Variants in SPAG9 observed in about 807,000 individuals in gnomAD.
SPAG9 encodes sperm associated antigen 9.
SPAG9 carries 35 observed loss-of-function variants against 166.5 expected under a neutral mutation model. That is an observed-to-expected ratio of 0.21 (90% confidence interval 0.16 to 0.28). The LOEUF (loss-of-function observed/expected upper bound fraction) is 0.28, where lower values mean the gene tolerates loss of function less well. Ranked by LOEUF, SPAG9 falls within the 10% of genes least tolerant of loss-of-function variation. The probability of loss-of-function intolerance (pLI) is 1.00; values close to 1 mark genes in which losing one functional copy is unlikely to be tolerated. For synonymous variants in SPAG9, 534 were observed against 565.5 expected (o/e 0.94, Z 0.79); for missense variants, 1,235 against 1,603.3 (o/e 0.77, Z 3.92).
At chr17:50,987,498 C>A (rs189137347) in intron 21 of SPAG9, among the ~76,000 whole-genome samples, 2 of 151,248 alleles carry the variant, frequency 1.3e-5, no homozygotes, top group African/African-American at 4.9e-5. Flanking sequence ...CACACTATCA[C>A]ACCTGGCTTC....
rs550072182 is a variant in SPAG9, at chr17:51,118,425, G to A, written c.303+1929C>T. ...TCTGATTCTGCAACCTGTGGCAGATGGTTTTCTTGGCACGTGTGACCCTGG... is the reference window on the plus strand; with the variant it reads ...TCTGATTCTGCAACCTGTGGCAGATAGTTTTCTTGGCACGTGTGACCCTGG... On this transcript the variant is annotated intron_variant, in intron 1 of 29. Coordinates refer to ENST00000262013, the MANE Select transcript of SPAG9 (RefSeq NM_001130528.3). 2.0e-5 allele frequency among the ~76,000 whole-genome samples: 3 copies of A among 152,328 alleles called. No individual in the cohort carries two copies. In the South Asian group the frequency reaches 6.2e-4, roughly 32 times the overall value.
chr17:51,011,025 G>GT, intron 9 of SPAG9, among the ~76,000 whole-genome samples: 1 of 152,138 alleles, frequency 6.6e-6, no homozygotes, highest in Non-Finnish European at 1.5e-5. Context: ...GACTGAAAAG[G>GT]TAAGAGTCGA....
rs573614548 is a variant in SPAG9 at position 51,022,738 on chromosome 17, C to T, written c.784-1373G>A. ...CCGAGGCAGGCGGATCACCTGAGGTCGGGAGTTCAAGACCAGCCTGACAAA... is the reference window on the plus strand; with the variant it reads ...CCGAGGCAGGCGGATCACCTGAGGTTGGGAGTTCAAGACCAGCCTGACAAA... On this transcript the variant is annotated intron_variant, in intron 6 of 29. Coordinates refer to ENST00000262013, the MANE Select transcript of SPAG9 (RefSeq NM_001130528.3). 1.4e-4 allele frequency among the ~76,000 whole-genome samples: 21 copies of T among 151,500 alleles called. No homozygotes were observed. In the South Asian group the frequency reaches 3.1e-3, roughly 23 times the overall value.
chr17:50,975,843 G>GGTTCAGA, intron 27 of SPAG9: 1 of 1,529,368 alleles, frequency 6.5e-7, no homozygotes, highest in South Asian at 1.2e-5. Context: ...AGAAGAGTTT[G>GGTTCAGA]GTTCAGAATC....
intron 4 of SPAG9, chr17:51,046,483 AAG>A (rs2047024739): frequency 6.6e-7 from 1 of 1,522,316 alleles, no homozygotes; most frequent in Non-Finnish European, 8.8e-7. Context: ...AGGGGCTTCT[AAG>A]AGAGATGGGA....
chr17:50,964,282 T>C lies in SPAG9; in HGVS notation c.*1990A>G, dbSNP rs1447612685. On this transcript the variant is annotated 3_prime_UTR_variant, in exon 30 of 30. Coordinates refer to ENST00000262013, the MANE Select transcript of SPAG9 (RefSeq NM_001130528.3). ...AGGTTTATACTGTTAAAACAGTACA[T>C]AAAATTACATTTAGCTTTGCTTCGG... 1 of 152,224 alleles carries C rather than the reference T, an allele frequency of 6.6e-6. No homozygotes were observed. Among genetic ancestry groups the C allele is most frequent in the African/African-American group, 2.4e-5 (1 of 41,452 alleles). 9.4% of individuals were successfully genotyped at this position (152,224 alleles called of 1,614,324 possible). A position where few individuals can be genotyped will look rare whatever the true frequency, so the allele number is the denominator to read the frequency against.
In SPAG9 at chr17:50,989,821, T is replaced by G. The variant is rs1229170798; in HGVS notation, c.2669A>C (p.Glu890Ala). Residue 890 changes from glutamate (E) to alanine (A), a missense_variant, in exon 21 of 30, where the codon GAA (glutamate) becomes GCA (alanine). Glu to Ala is a moderately radical substitution (Grantham distance 107, BLOSUM62 -1). Transcript: ENST00000262013. ...EVDENVPTAE[E>A]ATEATEGNAG... ...ATTCCCTTCTGTAGCTTCAGTTGCTTCTTCTGCTGTTGGAACATTTTCATC... is the reference window on the plus strand; with the variant it reads ...ATTCCCTTCTGTAGCTTCAGTTGCTGCTTCTGCTGTTGGAACATTTTCATC... The G allele has an allele frequency of 1.9e-6, 3 of 1,614,224 alleles. No individual in the cohort carries two copies. In the South Asian group the frequency reaches 3.3e-5, roughly 18 times the overall value.
chr17:51,054,312 G>C (rs1006087477), intron 3 of SPAG9, among the ~76,000 whole-genome samples: 2 of 151,296 alleles, frequency 1.3e-5, no homozygotes. Flanking sequence ...TGGTAGAGTC[G>C]GGGTTTCACC....
chr17:50,974,488 A>G (rs1484804785), intron 28 of SPAG9, among the ~76,000 whole-genome samples: 1 of 152,188 alleles, frequency 6.6e-6, no homozygotes, highest in African/African-American at 2.4e-5. Flanking sequence ...CATTTTTGGC[A>G]ATCCACGATG....
intron 4 of SPAG9, chr17:51,046,865 C>T (rs1407595276): frequency 6.5e-7 from 1 of 1,529,072 alleles, no homozygotes; most frequent in East Asian, 2.5e-5. Context: ...AGCTGCTGCT[C>T]CTAGCATTTA....
At chr17:51,064,284 ATTAAG>A (rs1231737488) in intron 2 of SPAG9, among the ~76,000 whole-genome samples, 1 of 152,256 alleles carries the variant, frequency 6.6e-6, no homozygotes, top group Non-Finnish European at 1.5e-5. Flanking sequence ...TGGTTCAAAC[ATTAAG>A]TTATCTACTT....
chr17:51,105,849 G>A (rs1294903571), intron 1 of SPAG9, among the ~76,000 whole-genome samples: 3 of 151,738 alleles, frequency 2.0e-5, no homozygotes, highest in Admixed American at 1.3e-4. Flanking sequence ...CAGCCTGGGC[G>A]ACAGAGCAGG....
chr17:51,111,382 T>C (rs879065382), intron 1 of SPAG9, among the ~76,000 whole-genome samples: 1 of 152,296 alleles, frequency 6.6e-6, no homozygotes, highest in Admixed American at 6.5e-5. Flanking sequence ...TCAGTTCTCC[T>C]GAGAAGCAAA....
intron 2 of SPAG9, among the ~76,000 whole-genome samples, chr17:51,065,548 A>C (rs1041347865): frequency 6.6e-5 from 10 of 152,352 alleles, no homozygotes; most frequent in South Asian, 2.1e-4. Flanking sequence ...AAGAATAGGC[A>C]GATGGTTGCT....
At chr17:51,093,379 T>G (rs1421067965) in intron 1 of SPAG9, among the ~76,000 whole-genome samples, 1 of 151,810 alleles carries the variant, frequency 6.6e-6, no homozygotes, top group African/African-American at 2.4e-5. Flanking sequence ...ATAACTTAAA[T>G]GTCTATCAAC....
rs578193101 is a variant in SPAG9, at chr17:51,069,915, C to T, written c.424+9669G>A. Among the ~76,000 whole-genome samples, 4 of 152,110 alleles carry T rather than the reference C, an allele frequency of 2.6e-5. No homozygotes were observed. In the South Asian group the frequency reaches 8.3e-4, roughly 32 times the overall value. On this transcript the variant is annotated intron_variant, in intron 2 of 29. Coordinates refer to ENST00000262013, the MANE Select transcript of SPAG9 (RefSeq NM_001130528.3). The stretch of plus-strand genomic sequence containing the variant: ...CATTTAATTCAAAAAGACGAATTTT[C>T]ATTTAAAGGAAGGAAGGGCGGAATT...
rs1973198545 is a variant in SPAG9, at chr17:50,963,089, G to A, written c.*3183C>T. On this transcript the variant is annotated 3_prime_UTR_variant, in exon 30 of 30. Coordinates refer to ENST00000262013, the MANE Select transcript of SPAG9 (RefSeq NM_001130528.3). ...GTGTTAGGTTGAGGCATATGATATT[G>A]TCGCTTTTGCAGATCAGCAATGGTT... 6.6e-6 allele frequency: 1 copy of A among 152,200 alleles called. No homozygotes were observed. The highest frequency in any genetic ancestry group is 1.5e-5 in the Non-Finnish European group (1 of 68,044). The allele number at this position is 152,200 out of a possible 1,614,324, so 9.4% of individuals were successfully genotyped here.
intron 2 of SPAG9, among the ~76,000 whole-genome samples, chr17:51,075,512 G>A (rs949963104): frequency 2.6e-5 from 4 of 152,084 alleles, no homozygotes; most frequent in Non-Finnish European, 5.9e-5. Flanking sequence ...GTTAGACAAG[G>A]AATTCTTTTC....
At chr17:50,980,365 G>A (rs1006519288) in intron 25 of SPAG9, among the ~76,000 whole-genome samples, 1 of 151,650 alleles carries the variant, frequency 6.6e-6, no homozygotes, top group African/African-American at 2.4e-5. Flanking sequence ...CCACCATGCC[G>A]GACTAATTTT....
Sources: allele counts gnomAD v4.1 joint callset (sites outside exome capture counted in the v4.1 genomes callset), GRCh38; gene constraint gnomAD v4.1.1; transcripts MANE v1.5; gene names NCBI Gene and HGNC (gene_info 2026-07-23, HGNC 2026-07-21).